The following CLDN10 variants were observed in gnomAD, a reference collection of about 807,000 sequenced individuals.
The protein encoded by CLDN10 is claudin-10.
CLDN10 carries 15 observed loss-of-function variants against 22.9 expected under a neutral mutation model. That is an observed-to-expected ratio of 0.65 (90% confidence interval 0.44 to 1.01). CLDN10 has a LOEUF of 1.01. Among genes scored for constraint, CLDN10 ranks in the 50% least tolerant of loss-of-function variants. The pLI is 0.00. For missense variants in CLDN10, 247 were observed against 287.8 expected, an observed-to-expected ratio of 0.86 and a Z score of 1.03; for synonymous variants, 114 against 111.4, an observed-to-expected ratio of 1.02 and a Z score of -0.15.
chr13:95,563,073 CTCTT>C (rs2043736482), intron 3 of CLDN10, among the ~76,000 whole-genome samples: 1 of 149,948 alleles, frequency 6.7e-6, no homozygotes, highest in Admixed American at 6.7e-5. Flanking sequence ...CTTGGAATTT[CTCTT>C]TCTGTCTCTG....
intron 1 of CLDN10, among the ~76,000 whole-genome samples, chr13:95,504,504 T>C (rs1486388048): frequency 1.3e-5 from 2 of 151,930 alleles, no homozygotes; most frequent in East Asian, 3.9e-4. Flanking sequence ...CTCAGCCTCC[T>C]GAGTAGCTGG....
At chr13:95,539,681 C>A (rs950453774) in intron 1 of CLDN10, among the ~76,000 whole-genome samples, 1 of 152,142 alleles carries the variant, frequency 6.6e-6, no homozygotes, top group African/African-American at 2.4e-5. Context: ...TCTACCTTTC[C>A]AGAATATTGT....
At chr13:95,530,178 A>G (rs536702492) in intron 1 of CLDN10, among the ~76,000 whole-genome samples, 1 of 151,722 alleles carries the variant, frequency 6.6e-6, no homozygotes, top group Non-Finnish European at 1.5e-5. Context: ...GGAAATGGGG[A>G]GGGGGAGCAG....
At chr13:95,513,522 G>T (rs930717143) in intron 1 of CLDN10, among the ~76,000 whole-genome samples, 1 of 146,680 alleles carries the variant, frequency 6.8e-6, no homozygotes, top group East Asian at 1.9e-4. Flanking sequence ...CACCCTTCTT[G>T]CTCAACATCC....
chr13:95,487,395 C>T (rs1041036885), intron 1 of CLDN10, among the ~76,000 whole-genome samples: 1 of 152,192 alleles, frequency 6.6e-6, no homozygotes, highest in African/African-American at 2.4e-5. Flanking sequence ...CTGCTCTAAG[C>T]TTTGCATTTG....
At position 95,472,321 on chromosome 13, in the gene CLDN10, A is replaced by G. The variant is rs951231439; in HGVS notation, c.214+38274A>G. On this transcript the variant is annotated intron_variant, in intron 1 of 4. Transcript: ENST00000376873. ...ATACTGATAACAAATACATTCAAAA[A>G]CCAACAGACAAAAAATAAAAGGCTA... is the stretch of plus-strand genomic sequence containing the variant. 2.6e-5 allele frequency among the ~76,000 whole-genome samples: 4 copies of G among 152,118 alleles called. No homozygotes were observed. The East Asian group carries it at 5.8e-4, about 22-fold the overall frequency.
intron 1 of CLDN10, among the ~76,000 whole-genome samples, chr13:95,501,830 TG>T (rs1215350097): frequency 1.3e-5 from 2 of 152,176 alleles, no homozygotes; most frequent in African/African-American, 2.4e-5. Context: ...ATCCTGCTGG[TG>T]GGGGGTTTCT....
At chr13:95,569,487 G>A (rs1347772997) in intron 3 of CLDN10, among the ~76,000 whole-genome samples, 1 of 152,136 alleles carries the variant, frequency 6.6e-6, no homozygotes, top group Non-Finnish European at 1.5e-5. Flanking sequence ...AAGAGGCTGA[G>A]GCAGGAGAAT....
intron 1 of CLDN10, among the ~76,000 whole-genome samples, chr13:95,449,709 G>A (rs1177424064): frequency 2.6e-5 from 4 of 151,050 alleles, no homozygotes; most frequent in Non-Finnish European, 5.9e-5. Flanking sequence ...GGGACTATAG[G>A]TGCACACCAC....
At position 95,561,161 on chromosome 13, in the gene CLDN10, T is replaced by C. The variant is rs116716384; in HGVS notation, c.464+698T>C. Among the ~76,000 whole-genome samples the C allele has an allele frequency of 8.9e-3, 1,348 of 152,286 alleles. 23 individuals are homozygous for C. Among genetic ancestry groups the C allele is most frequent in the African/African-American group, 0.031 (1,286 of 41,542 alleles). On this transcript the variant is annotated intron_variant, in intron 3 of 4. Coordinates refer to ENST00000299339, the MANE Select transcript of CLDN10 (RefSeq NM_006984.5). ...ACCAAATCAGAATTAATATATTAAA[T>C]ATTTTGTCTTACCTAAGAATGTATC...
intron 1 of CLDN10, chr13:95,434,060 G>A (rs1398940001): frequency 1.9e-6 from 3 of 1,609,440 alleles, no homozygotes; most frequent in Non-Finnish European, 2.6e-6. Context: ...AAATATAATG[G>A]CTTTGTTTGG....
intron 1 of CLDN10, among the ~76,000 whole-genome samples, chr13:95,518,206 T>TGCCTA (rs2138578925): frequency 6.6e-6 from 1 of 152,354 alleles, no homozygotes; most frequent in African/African-American, 2.4e-5. Context: ...ATTAGAAGCA[T>TGCCTA]GCCTAGCACA....
At chr13:95,518,109 C>G (rs1202461902) in intron 1 of CLDN10, among the ~76,000 whole-genome samples, 1 of 152,094 alleles carries the variant, frequency 6.6e-6, no homozygotes, top group African/African-American at 2.4e-5. Flanking sequence ...CATTTCTTGG[C>G]TTTGATTTTC....
intron 3 of CLDN10, among the ~76,000 whole-genome samples, chr13:95,568,221 A>G (rs1378336889): frequency 6.6e-6 from 1 of 152,228 alleles, no homozygotes; most frequent in East Asian, 1.9e-4. Context: ...ATTCTCAGAT[A>G]GGAGATTCCA....
At chr13:95,545,636 A>T (rs1285037419) in intron 1 of CLDN10, among the ~76,000 whole-genome samples, 1 of 152,246 alleles carries the variant, frequency 6.6e-6, no homozygotes, top group Non-Finnish European at 1.5e-5. Flanking sequence ...TAACTTCAGC[A>T]TTCTAGAAAT....
chr13:95,544,346 A>G (rs2043487364), intron 1 of CLDN10, among the ~76,000 whole-genome samples: 1 of 152,142 alleles, frequency 6.6e-6, no homozygotes, highest in Non-Finnish European at 1.5e-5. Context: ...GAAATAAAAC[A>G]TGGCTTAACT....
chr13:95,563,410 A>G (rs1310282759), intron 3 of CLDN10, among the ~76,000 whole-genome samples: 1 of 152,180 alleles, frequency 6.6e-6, no homozygotes, highest in East Asian at 1.9e-4. Context: ...ACAATTCACC[A>G]ATTTACCTAA....
intron 1 of CLDN10, among the ~76,000 whole-genome samples, chr13:95,486,566 G>T (rs2042807015): frequency 6.6e-6 from 1 of 151,200 alleles, no homozygotes; most frequent in African/African-American, 2.4e-5. Context: ...AGAAGTATCT[G>T]GACTCCTCTT....
chr13:95,564,042 G>A (rs1300109921), intron 3 of CLDN10, among the ~76,000 whole-genome samples: 2 of 152,226 alleles, frequency 1.3e-5, no homozygotes, highest in Non-Finnish European at 2.9e-5. Context: ...GTTTGTACAT[G>A]AACTTAGAGA....
Sources: gnomAD v4.1 joint callset for allele counts (sites outside exome capture counted in the v4.1 genomes callset) on GRCh38, gnomAD v4.1.1 for gene constraint, MANE v1.5 for transcripts, NCBI Gene and HGNC (gene_info 2026-07-23, HGNC 2026-07-21) for gene names.